The following CFAP70 variants were observed in gnomAD, a reference collection of about 807,000 sequenced individuals.
CFAP70 encodes cilia and flagella associated protein 70.
CFAP70 carries 81 observed loss-of-function variants against 137.6 expected under a neutral mutation model. The ratio of observed to expected loss-of-function variants is 0.59; its 90% CI spans 0.49 to 0.71. The LOEUF (loss-of-function observed/expected upper bound fraction) is 0.71, where lower values mean the gene tolerates loss of function less well. Among genes scored for constraint, CFAP70 ranks in the 30% least tolerant of loss-of-function variants. The probability of loss-of-function intolerance (pLI) is 0.00; values close to 1 mark genes in which losing one functional copy is unlikely to be tolerated. For missense variants in CFAP70, 976 were observed against 1,226.7 expected (o/e 0.80, Z 3.05); for synonymous variants, 382 against 423.6 (o/e 0.90, Z 1.20).
At chr10:73,309,658 ATT>A (rs60294953) in intron 12 of CFAP70, among the ~76,000 whole-genome samples, 9 of 136,390 alleles carry the variant, frequency 6.6e-5, no homozygotes, top group African/African-American at 1.1e-4. Context: ...TTTCCTAAGA[ATT>A]TTTTTTTTTT....
chr10:73,261,922 A>T (rs891462241), intron 25 of CFAP70, among the ~76,000 whole-genome samples: 6 of 150,708 alleles, frequency 4.0e-5, no homozygotes, highest in South Asian at 4.2e-4. Flanking sequence ...AAAGTTACAA[A>T]ATCAGTTCTC....
At chr10:73,328,167 C>A (rs1280589339) in intron 8 of CFAP70, among the ~76,000 whole-genome samples, 4 of 152,010 alleles carry the variant, frequency 2.6e-5, no homozygotes, top group Non-Finnish European at 4.4e-5. Flanking sequence ...CAGAACAGAG[C>A]CCTGAGAAAT....
At chr10:73,274,433 C>A in exon 23 of CFAP70, 7 of 1,609,314 alleles carry the variant, frequency 4.3e-6, no homozygotes, top group Non-Finnish European at 5.9e-6. Context: ...TACCCCTCAC[C>A]TCTTTCTCTT....
At chr10:73,347,215 C>T (rs1413029372) in intron 4 of CFAP70, among the ~76,000 whole-genome samples, 3 of 152,070 alleles carry the variant, frequency 2.0e-5, no homozygotes, top group Admixed American at 6.6e-5. Flanking sequence ...ATGCTATATG[C>T]CTGCTAAGCA....
intron 25 of CFAP70, among the ~76,000 whole-genome samples, chr10:73,259,317 T>C (rs1241583964): frequency 6.6e-6 from 1 of 152,230 alleles, no homozygotes; most frequent in Non-Finnish European, 1.5e-5. Flanking sequence ...ATCTGATGGT[T>C]GTGAATTTCT....
intron 19 of CFAP70, among the ~76,000 whole-genome samples, chr10:73,280,055 A>C (rs2047148754): frequency 6.6e-6 from 1 of 152,192 alleles, no homozygotes; most frequent in Non-Finnish European, 1.5e-5. Context: ...AATCTTTTTA[A>C]TTTTAGCTAT....
At chr10:73,254,319 C>A (rs767275806) in intron 26 of CFAP70, 4 of 277,008 alleles carry the variant, frequency 1.4e-5, no homozygotes, top group African/African-American at 2.2e-5. Flanking sequence ...AAGATAACTT[C>A]ATTAAAATTT....
Position 73,299,595 on chromosome 10 carries a change from T to C in CFAP70, c.1317+10A>G, listed in dbSNP as rs2131984242. The C allele has an allele frequency of 6.2e-7, 1 of 1,612,314 alleles. No individual in the cohort carries two copies. Among genetic ancestry groups the C allele is most frequent in the Non-Finnish European group, 8.5e-7 (1 of 1,178,612 alleles). On this transcript the variant is annotated intron_variant, in intron 13 of 26. Coordinates refer to ENST00000310715, the Ensembl canonical transcript of CFAP70. Reference sequence around the variant, plus strand: ...ATTACTTATCATTTCAACTTGGCTTTGGCACTTGCCTTCTGAGCTCCTCCT... The same window carrying C: ...ATTACTTATCATTTCAACTTGGCTTCGGCACTTGCCTTCTGAGCTCCTCCT...
chr10:73,345,141 G>C, intron 4 of CFAP70: 2 of 1,614,212 alleles, frequency 1.2e-6, no homozygotes, highest in Non-Finnish European at 1.7e-6. Context: ...TTCAGGCACA[G>C]AGTAAGCAGC....
chr10:73,331,201 T>G, exon 8 of CFAP70: 1 of 1,612,194 alleles, frequency 6.2e-7, no homozygotes, highest in Non-Finnish European at 8.5e-7. Flanking sequence ...CAGCTTTCCC[T>G]TTGGGTATAG....
At chr10:73,295,528 T>TC (rs1178577037) in intron 15 of CFAP70, 1 of 152,054 alleles carries the variant, frequency 6.6e-6, no homozygotes, top group Non-Finnish European at 1.5e-5. Context: ...ATAATTTGAA[T>TC]CCCCCCATTA....
intron 19 of CFAP70, among the ~76,000 whole-genome samples, chr10:73,290,622 A>G (rs1157470257): frequency 2.6e-5 from 4 of 152,242 alleles, no homozygotes; most frequent in Non-Finnish European, 5.9e-5. Context: ...CAAGGAACAC[A>G]CAAACAAAAA....
chr10:73,272,937 G>A, exon 24 of CFAP70: 1 of 1,552,310 alleles, frequency 6.4e-7, no homozygotes, highest in Non-Finnish European at 8.7e-7. Flanking sequence ...CCCGATAGCA[G>A]GCGATTCCCA....
chr10:73,282,383 A>G (rs1168070815), intron 19 of CFAP70, among the ~76,000 whole-genome samples: 1 of 152,202 alleles, frequency 6.6e-6, no homozygotes, highest in Non-Finnish European at 1.5e-5. Flanking sequence ...ACACAAAAAA[A>G]AAAACTATGC....
chr10:73,329,619 C>T (rs7915330), intron 8 of CFAP70, among the ~76,000 whole-genome samples: 8 of 152,080 alleles, frequency 5.3e-5, no homozygotes, highest in Non-Finnish European at 8.8e-5. Context: ...TTTCACCATG[C>T]GGCTTCTTAG....
chr10:73,333,524 C>A (rs1435625813), intron 7 of CFAP70, among the ~76,000 whole-genome samples: 1 of 151,876 alleles, frequency 6.6e-6, no homozygotes, highest in Non-Finnish European at 1.5e-5. Context: ...AAACACTTTA[C>A]CTACAGAAGA....
chr10:73,326,211 C>T (rs927428001), intron 8 of CFAP70, among the ~76,000 whole-genome samples: 1 of 151,934 alleles, frequency 6.6e-6, no homozygotes, highest in Non-Finnish European at 1.5e-5. Context: ...TACATGGAAA[C>T]TGAACAACCT....
In CFAP70 at chr10:73,257,758, C is replaced by T. The variant is rs1314770401; in HGVS notation, c.3028-1342G>A. 3.9e-5 allele frequency among the ~76,000 whole-genome samples: 6 copies of T among 152,180 alleles called. No homozygotes were observed. The East Asian group carries it at 1.2e-3, about 29-fold the overall frequency. On this transcript the variant is annotated intron_variant, in intron 25 of 26. Coordinates refer to ENST00000310715, the Ensembl canonical transcript of CFAP70. ...CCCTCCTGCCACAGGGAGGCAGAGGCCCAAATGATGTCAGGATCCAGAATA... is the reference window on the plus strand; with the variant it reads ...CCCTCCTGCCACAGGGAGGCAGAGGTCCAAATGATGTCAGGATCCAGAATA...
At position 73,300,559 on chromosome 10, in the gene CFAP70, T is replaced by C. The variant is rs541224207; in HGVS notation, c.1257-894A>G. 5.3e-5 allele frequency among the ~76,000 whole-genome samples: 8 copies of C among 152,264 alleles called. No homozygotes were observed. The East Asian group carries it at 1.5e-3, about 29-fold the overall frequency. ...CCTCTCCAGAGACAATGTTATTCAT[T>C]CATTCAAAATAGATACTGAGAGGCC... is the stretch of plus-strand genomic sequence containing the variant. On this transcript the variant is annotated intron_variant, in intron 12 of 26. Coordinates refer to ENST00000310715, the Ensembl canonical transcript of CFAP70.
Sources: allele counts gnomAD v4.1 joint callset (sites outside exome capture counted in the v4.1 genomes callset), GRCh38; gene constraint gnomAD v4.1.1; transcripts MANE v1.5; gene names NCBI Gene and HGNC (gene_info 2026-07-23, HGNC 2026-07-21).